UNC13C: variants seen among roughly 807,000 people sequenced by gnomAD.
UNC13C encodes the protein protein unc-13 homolog C.
A neutral mutation model predicts 245.4 loss-of-function variants in UNC13C; 174 were observed. That is an observed-to-expected ratio of 0.71 (90% CI 0.63 to 0.80). The LOEUF (loss-of-function observed/expected upper bound fraction) is 0.80, where lower values mean the gene tolerates loss of function less well. Among genes scored for constraint, UNC13C ranks in the 30% least tolerant of loss-of-function variants. The pLI, the probability that UNC13C is intolerant of heterozygous loss-of-function variation, is 0.00. For synonymous variants in UNC13C, 992 were observed against 895.1 expected (o/e 1.11, Z -1.93); for missense variants, 2,829 against 2,602.9 (o/e 1.09, Z -1.89).
At chr15:54,352,903 G>A (rs1458482897) in intron 17 of UNC13C, among the ~76,000 whole-genome samples, 1 of 152,036 alleles carries the variant, frequency 6.6e-6, no homozygotes, top group Admixed American at 6.6e-5. Flanking sequence ...TGCAGTTTAT[G>A]TATCCTGTTT....
At position 54,265,417 on chromosome 15, in the gene UNC13C, G is replaced by A. The variant is rs772991951; in HGVS notation, c.3739G>A (p.Val1247Ile). 1.3e-6 allele frequency: 2 copies of A among 1,587,194 alleles called. No individual in the cohort carries two copies. Among genetic ancestry groups the A allele is most frequent in the East Asian group, 2.3e-5 (1 of 44,344 alleles). The stretch of plus-strand genomic sequence containing the variant: ...AGGGTCTAGTGATCCATATGTTACA[G>A]TTCAAGTTGGAAAGAACAAAAGAAG... ...KTGSSDPYVT[V>I]QVGKNKRRTK... The change falls in exon 10 of 33, where the codon GTT (valine) becomes ATT (isoleucine). Residue 1247 changes from valine (V) to isoleucine (I), a missense_variant. Transcript: ENST00000260323.
At chr15:54,583,701 T>C (rs912121697) in intron 30 of UNC13C, among the ~76,000 whole-genome samples, 4 of 152,220 alleles carry the variant, frequency 2.6e-5, no homozygotes, top group African/African-American at 7.2e-5. Context: ...CTGACCTAAG[T>C]TGTCTGAAGC....
At chr15:54,062,495 A>G (rs530378298) in intron 2 of UNC13C, among the ~76,000 whole-genome samples, 9 of 152,136 alleles carry the variant, frequency 5.9e-5, no homozygotes, top group African/African-American at 1.9e-4. Context: ...ACAAAACTCA[A>G]CTTTCCAGGA....
the UNC13C span, among the ~76,000 whole-genome samples, chr15:53,868,829 A>T: frequency 3.3e-5 from 5 of 152,252 alleles, no homozygotes; most frequent in African/African-American, 4.8e-5. Flanking sequence ...TATTAAAAAC[A>T]AGAATGGGTG....
chr15:53,984,137 G>C (rs973264289), intron 1 of UNC13C, among the ~76,000 whole-genome samples: 1 of 151,976 alleles, frequency 6.6e-6, no homozygotes, highest in Non-Finnish European at 1.5e-5. Flanking sequence ...GTCACTCCCT[G>C]ATCAAAAATT....
chr15:54,093,065 A>G (rs1287956579), intron 2 of UNC13C, among the ~76,000 whole-genome samples: 1 of 152,086 alleles, frequency 6.6e-6, no homozygotes, highest in African/African-American at 2.4e-5. Context: ...CTGTGATGCT[A>G]GGTTCCTTAG....
chr15:54,379,635 G>A (rs1163226719), intron 17 of UNC13C, among the ~76,000 whole-genome samples: 9 of 151,994 alleles, frequency 5.9e-5, no homozygotes, highest in Admixed American at 2.6e-4. Context: ...GATTTAGTAG[G>A]TCTACAATAG....
At chr15:54,553,846 G>T (rs1401046823) in intron 28 of UNC13C, among the ~76,000 whole-genome samples, 1 of 151,814 alleles carries the variant, frequency 6.6e-6, no homozygotes, top group East Asian at 1.9e-4. Context: ...GATTGATGAA[G>T]CCAGATAAAT....
intron 2 of UNC13C, among the ~76,000 whole-genome samples, chr15:54,020,791 G>A (rs1895869681): frequency 2.6e-5 from 4 of 151,864 alleles, no homozygotes; most frequent in Non-Finnish European, 5.9e-5. Context: ...ACCATTTAGT[G>A]CATAATTTTG....
At chr15:53,966,907 C>G in the UNC13C span, among the ~76,000 whole-genome samples, 4 of 151,886 alleles carry the variant, frequency 2.6e-5, no homozygotes, top group South Asian at 8.3e-4. Context: ...GTCATTTTAT[C>G]TTGAATTCTT....
rs542935563 is a variant in UNC13C at position 54,233,795 on chromosome 15, T to C, written c.3072-1235T>C. On this transcript the variant is annotated intron_variant, in intron 4 of 32. Coordinates refer to ENST00000260323, the MANE Select transcript of UNC13C (RefSeq NM_001080534.3). Reference sequence around the variant, plus strand: ...TAATCTGTCATTAGCCTTTGTAGCCTGTTGCAATGACAGAGATGCCTAGCT... The same window carrying C: ...TAATCTGTCATTAGCCTTTGTAGCCCGTTGCAATGACAGAGATGCCTAGCT... 1.1e-4 allele frequency among the ~76,000 whole-genome samples: 16 copies of C among 152,294 alleles called. No individual in the cohort carries two copies. The East Asian group carries it at 3.1e-3, about 29-fold the overall frequency.
intron 2 of UNC13C, among the ~76,000 whole-genome samples, chr15:54,072,125 C>G (rs1208373084): frequency 6.6e-6 from 1 of 152,004 alleles, no homozygotes; most frequent in Non-Finnish European, 1.5e-5. Context: ...TTTCCTAGTT[C>G]TGGGAGTGGA....
Position 54,549,672 on chromosome 15 carries a change from G to A in UNC13C, c.5858G>A (p.Gly1953Glu). Residue 1953 changes from glycine (G) to glutamate (E), a missense_variant, in exon 28 of 33, where the codon GGA (glycine) becomes GAA (glutamate). Physicochemically the swap from Gly to Glu is moderately conservative, Grantham distance 98. Transcript: ENST00000260323. ...QMIFIAAKDL[G>E]QLSKLKEHMI... ...ATTTTCATTGCAGCTAAAGATCTTGGACAATTATCCAAACTGAAGGTAATA... is the reference window on the plus strand; with the variant it reads ...ATTTTCATTGCAGCTAAAGATCTTGAACAATTATCCAAACTGAAGGTAATA... The A allele has an allele frequency of 6.2e-7, 1 of 1,602,426 alleles. No individual in the cohort carries two copies. The highest frequency in any genetic ancestry group is 8.5e-7 in the Non-Finnish European group (1 of 1,175,198).
chr15:54,137,235 A>G (rs929325648), intron 2 of UNC13C, among the ~76,000 whole-genome samples: 4 of 152,158 alleles, frequency 2.6e-5, no homozygotes, highest in Non-Finnish European at 5.9e-5. Context: ...TTACTGTGCC[A>G]TTGAATTTGG....
At chr15:54,516,993 C>T (rs1265984784) in intron 24 of UNC13C, among the ~76,000 whole-genome samples, 1 of 151,830 alleles carries the variant, frequency 6.6e-6, no homozygotes, top group Non-Finnish European at 1.5e-5. Flanking sequence ...TAGGATAGTC[C>T]CAAAATAAAG....
At chr15:54,314,318 G>A (rs2037954195) in intron 13 of UNC13C, among the ~76,000 whole-genome samples, 1 of 151,766 alleles carries the variant, frequency 6.6e-6, no homozygotes, top group Non-Finnish European at 1.5e-5. Context: ...CACAAAAAAA[G>A]ATAAGTATGG....
chr15:53,859,838 G>T, the UNC13C span, among the ~76,000 whole-genome samples: 1 of 152,096 alleles, frequency 6.6e-6, no homozygotes, highest in Non-Finnish European at 1.5e-5. Flanking sequence ...GAATCCTTCT[G>T]ATTTCACTCC....
At position 54,332,130 on chromosome 15, in the gene UNC13C, G is replaced by A. The variant is rs1385226305; in HGVS notation, c.4494+19G>A. 2.0e-6 allele frequency: 3 copies of A among 1,496,534 alleles called. No individual in the cohort carries two copies. Among genetic ancestry groups the A allele is most frequent in the East Asian group, 2.4e-5 (1 of 41,356 alleles). The allele number at this position is 1,496,534 out of a possible 1,614,324, so 92.7% of individuals were successfully genotyped here. A position where few individuals can be genotyped will look rare whatever the true frequency, so the allele number is the denominator to read the frequency against. ...GTATAGGGTATGTACAAATTTACTTGCCTAAAAGAAAACTGTTGTTTGGTC... is the reference window on the plus strand; with the variant it reads ...GTATAGGGTATGTACAAATTTACTTACCTAAAAGAAAACTGTTGTTTGGTC... On this transcript the variant is annotated intron_variant, in intron 15 of 32. Transcript: ENST00000260323.
intron 4 of UNC13C, among the ~76,000 whole-genome samples, chr15:54,224,165 C>G (rs1481521398): frequency 6.6e-6 from 1 of 152,104 alleles, no homozygotes; most frequent in African/African-American, 2.4e-5. Context: ...ACTTCCAGTA[C>G]TACGTTGAAT....
Sources: gnomAD v4.1 joint callset for allele counts (sites outside exome capture counted in the v4.1 genomes callset) on GRCh38, gnomAD v4.1.1 for gene constraint, MANE v1.5 for transcripts, NCBI Gene and HGNC (gene_info 2026-07-23, HGNC 2026-07-21) for gene names.